Variants in KCNH5 observed in about 807,000 individuals in gnomAD.
KCNH5 encodes the protein voltage-gated delayed rectifier potassium channel KCNH5.
KCNH5 carries 46 observed loss-of-function variants against 96.1 expected under a neutral mutation model. The observed-to-expected ratio is 0.48, with a 90% CI of 0.38 to 0.61. KCNH5 has a LOEUF of 0.61. KCNH5 is among the 20% of genes least tolerant of loss of function. The probability of loss-of-function intolerance (pLI) is 0.00; values close to 1 mark genes in which losing one functional copy is unlikely to be tolerated. For missense variants in KCNH5, 907 were observed against 1,225.8 expected, an observed-to-expected ratio of 0.74 and a Z score of 3.88; for synonymous variants, 439 against 449.8, an observed-to-expected ratio of 0.98 and a Z score of 0.30.
At chr14:62,783,470 A>G (rs2139980001) in intron 9 of KCNH5, among the ~76,000 whole-genome samples, 1 of 152,298 alleles carries the variant, frequency 6.6e-6, no homozygotes, top group East Asian at 1.9e-4. Context: ...GATAGAAAAA[A>G]GGTTACATTT....
intron 10 of KCNH5, among the ~76,000 whole-genome samples, chr14:62,753,452 A>G (rs1318783090): frequency 6.6e-6 from 1 of 152,198 alleles, no homozygotes; most frequent in East Asian, 1.9e-4. Context: ...GAGAACTTCC[A>G]AACATAGACA....
chr14:62,853,729 G>T (rs560111466), intron 7 of KCNH5, among the ~76,000 whole-genome samples: 22 of 151,602 alleles, frequency 1.5e-4, no homozygotes, highest in Middle Eastern at 3.4e-3. Context: ...TGACTCATCG[G>T]CTGGGTGCAG....
chr14:62,881,818 A>C (rs973212203), intron 7 of KCNH5, among the ~76,000 whole-genome samples: 31 of 152,146 alleles, frequency 2.0e-4, no homozygotes, highest in African/African-American at 7.2e-4. Context: ...TGAGTGATAA[A>C]GTCTTATACT....
At chr14:62,861,038 G>C (rs939179708) in intron 7 of KCNH5, among the ~76,000 whole-genome samples, 1 of 152,102 alleles carries the variant, frequency 6.6e-6, no homozygotes, top group Non-Finnish European at 1.5e-5. Flanking sequence ...CCTTTTTTGT[G>C]ACATGATTTT....
chr14:62,973,960 T>A (rs557416026), intron 6 of KCNH5, among the ~76,000 whole-genome samples: 1 of 152,304 alleles, frequency 6.6e-6, no homozygotes, highest in Admixed American at 6.5e-5. Context: ...GATTTCCTGT[T>A]CTTGTTTTAA....
At chr14:62,714,992 T>C (rs192859055) in intron 10 of KCNH5, among the ~76,000 whole-genome samples, 10 of 152,308 alleles carry the variant, frequency 6.6e-5, no homozygotes, top group African/African-American at 2.4e-4. Flanking sequence ...CAAAGAGGTT[T>C]ATTTCATTTA....
intron 10 of KCNH5, among the ~76,000 whole-genome samples, chr14:62,733,730 C>T (rs768486380): frequency 7.9e-5 from 12 of 152,234 alleles, no homozygotes; most frequent in Admixed American, 2.6e-4. Flanking sequence ...GAGATCACCC[C>T]GCTGCATTTG....
chr14:62,978,586 CAA>C (rs529221170), intron 6 of KCNH5, among the ~76,000 whole-genome samples: 13 of 80,658 alleles, frequency 1.6e-4, no homozygotes, highest in South Asian at 4.8e-4. Flanking sequence ...GACTCCGTCT[CAA>C]AAAAAAAAAA....
rs113910299 is a variant in KCNH5 at position 62,747,311 on chromosome 14, G to C, written c.2019+32417C>G. On this transcript the variant is annotated intron_variant, in intron 10 of 10. Coordinates refer to ENST00000322893, the MANE Select transcript of KCNH5 (RefSeq NM_139318.5). ...GATTGTGCCATTGCACTCCAGCCTG[G>C]GCAACAAGAGTGAAACTTTGTCTCA... 3.4e-4 allele frequency among the ~76,000 whole-genome samples: 52 copies of C among 151,966 alleles called. 2 individuals carry two copies. Among genetic ancestry groups the C allele is most frequent in the African/African-American group, 1.2e-3 (51 of 41,460 alleles).
chr14:62,926,753 T>A (rs1889484047), intron 7 of KCNH5, among the ~76,000 whole-genome samples: 1 of 152,126 alleles, frequency 6.6e-6, no homozygotes, highest in Admixed American at 6.6e-5. Flanking sequence ...TTTAACCCAT[T>A]TAATCTTAAT....
Position 62,950,435 on chromosome 14 carries a change from A to T in KCNH5, c.1067T>A (p.Phe356Tyr), listed in dbSNP as rs748210270. Residue 356 changes from phenylalanine to tyrosine, a missense_variant, in exon 7 of 11, where the codon TTT (phenylalanine) becomes TAT (tyrosine). Physicochemically the swap from Phe to Tyr is conservative, Grantham distance 22 (BLOSUM62 3). This residue lies in a region of KCNH5 where 370 missense variants were observed against 561.3 expected (regional missense o/e 0.66). Transcript: ENST00000322893. ...AAVLVLLVCVFGLVAHWLACI... is the reference protein window; with the variant it reads ...AAVLVLLVCVYGLVAHWLACI... ...GGCCAGCCAGTGGGCCACCAGTCCA[A>T]ACACACACACCAGGAGCACGAGGAC... 1 of 1,614,026 alleles carries T rather than the reference A, an allele frequency of 6.2e-7. No homozygotes were observed. The highest frequency in any genetic ancestry group is 1.7e-5 in the Admixed American group (1 of 59,994).
intron 9 of KCNH5, among the ~76,000 whole-genome samples, chr14:62,795,117 G>A (rs929283143): frequency 2.0e-5 from 3 of 151,972 alleles, no homozygotes; most frequent in African/African-American, 7.3e-5. Flanking sequence ...TGTTTCTTCT[G>A]CCTATAACAG....
chr14:62,968,913 G>T (rs1006984108), intron 6 of KCNH5, among the ~76,000 whole-genome samples: 1 of 152,042 alleles, frequency 6.6e-6, no homozygotes, highest in Admixed American at 6.6e-5. Context: ...GCCAAATAGG[G>T]TCACCAACAC....
intron 10 of KCNH5, among the ~76,000 whole-genome samples, chr14:62,775,558 T>A (rs1886078307): frequency 6.6e-6 from 1 of 152,160 alleles, no homozygotes; most frequent in Non-Finnish European, 1.5e-5. Flanking sequence ...AACTCTCCAT[T>A]TCCACAGTAA....
intron 9 of KCNH5, among the ~76,000 whole-genome samples, chr14:62,796,474 C>A (rs539847527): frequency 3.9e-5 from 6 of 152,278 alleles, no homozygotes; most frequent in African/African-American, 1.4e-4. Flanking sequence ...CCAAACCATA[C>A]ATAAACAAGC....
At chr14:62,835,608 C>A (rs1887449155) in intron 8 of KCNH5, among the ~76,000 whole-genome samples, 1 of 151,956 alleles carries the variant, frequency 6.6e-6, no homozygotes, top group South Asian at 2.1e-4. Context: ...AAGCTTTAGT[C>A]AATTTGAAAC....
At chr14:62,760,845 G>A (rs1885732254) in intron 10 of KCNH5, among the ~76,000 whole-genome samples, 1 of 152,228 alleles carries the variant, frequency 6.6e-6, no homozygotes, top group Non-Finnish European at 1.5e-5. Flanking sequence ...CAGCAAGGCA[G>A]ATGTTATTTT....
At chr14:63,003,460 A>T (rs561698261) in intron 3 of KCNH5, among the ~76,000 whole-genome samples, 72 of 132,470 alleles carry the variant, frequency 5.4e-4, no homozygotes, top group African/African-American at 1.9e-3. Context: ...TTATATATAT[A>T]TTTTATATAT....
chr14:62,925,714 C>A (rs1427202574), intron 7 of KCNH5, among the ~76,000 whole-genome samples: 1 of 152,054 alleles, frequency 6.6e-6, no homozygotes, highest in African/African-American at 2.4e-5. Context: ...GATCCACAGT[C>A]TGGATCATAA....
Sources: allele counts gnomAD v4.1 joint callset (sites outside exome capture counted in the v4.1 genomes callset), GRCh38; gene constraint gnomAD v4.1.1; regional missense constraint gnomAD v4.1.1; transcripts MANE v1.5; gene names NCBI Gene and HGNC (gene_info 2026-07-23, HGNC 2026-07-21).